Variants in ERICH6B observed in about 807,000 individuals in gnomAD.
The protein encoded by ERICH6B is glutamate-rich protein 6B.
ERICH6B carries 69 observed loss-of-function variants against 80.0 expected under a neutral mutation model. That is an observed-to-expected ratio of 0.86 (90% CI 0.71 to 1.05). ERICH6B has a LOEUF of 1.05. Ranked by LOEUF, ERICH6B falls within the 50% of genes least tolerant of loss-of-function variation. The pLI is 0.00. For missense variants in ERICH6B, 754 were observed against 796.1 expected (o/e 0.95, Z 0.64); for synonymous variants, 283 against 291.9 (o/e 0.97, Z 0.31).
chr13:45,561,500 A>C lies in ERICH6B; in HGVS notation c.1276T>G (p.Phe426Val). ...GGTTTGCTCATTAAATGAAATGTGAAACTGGTCATCTCTGTTAACTTTTGA... is the reference window on the plus strand; with the variant it reads ...GGTTTGCTCATTAAATGAAATGTGACACTGGTCATCTCTGTTAACTTTTGA... The part of the protein sequence containing the change: ...EAQKLTEMTS[F>V]TFHLMSKPTP... Residue 426 changes from phenylalanine to valine, a missense_variant, in exon 11 of 15, where the codon TTC (phenylalanine) becomes GTC (valine). Phe to Val is a conservative substitution (Grantham distance 50). Transcript: ENST00000298738. 5 of 1,551,850 alleles carry C rather than the reference A, an allele frequency of 3.2e-6. No homozygotes were observed. The highest frequency in any genetic ancestry group is 4.4e-6 in the Non-Finnish European group (5 of 1,147,030).
intron 11 of ERICH6B, among the ~76,000 whole-genome samples, chr13:45,557,180 C>T (rs886513392): frequency 6.6e-6 from 1 of 152,268 alleles, no homozygotes; most frequent in East Asian, 1.9e-4. Context: ...TTGCATTTCC[C>T]TGATCACTAG....
At chr13:45,584,559 C>T (rs74858406) in intron 5 of ERICH6B, among the ~76,000 whole-genome samples, 4,583 of 152,178 alleles carry the variant, frequency 0.03, 215 homozygotes, top group African/African-American at 0.1. Context: ...TGTTCGTGTC[C>T]CCAAGCATCC....
intron 9 of ERICH6B, among the ~76,000 whole-genome samples, chr13:45,564,630 A>G (rs1874837332): frequency 6.6e-6 from 1 of 152,238 alleles, no homozygotes; most frequent in African/African-American, 2.4e-5. Context: ...TTCGTACCCT[A>G]GAAGCAATAG....
chr13:45,606,178 A>G (rs542722130), intron 2 of ERICH6B, among the ~76,000 whole-genome samples: 2 of 152,220 alleles, frequency 1.3e-5, no homozygotes, highest in Non-Finnish European at 2.9e-5. Flanking sequence ...CACTGAGATG[A>G]AAAGACATCC....
chr13:45,569,166 C>T (rs1283546418), intron 8 of ERICH6B, among the ~76,000 whole-genome samples: 1 of 152,082 alleles, frequency 6.6e-6, no homozygotes, highest in African/African-American at 2.4e-5. Context: ...CACTCTGTTG[C>T]CCAGGCTGGA....
chr13:45,574,820 C>G, intron 8 of ERICH6B, 22 bp downstream of exon 8: 1 of 1,510,110 alleles, frequency 6.6e-7, no homozygotes, highest in Non-Finnish European at 9.0e-7. Flanking sequence ...GGGGGGGGGT[C>G]TCAAGTTTTT....
intron 7 of ERICH6B, 32 bp downstream of exon 7, chr13:45,579,901 G>A: frequency 8.4e-6 from 13 of 1,550,884 alleles, no homozygotes; most frequent in Non-Finnish European, 8.7e-6. Context: ...AAGAAAGCAG[G>A]GATCTTTGGA....
At chr13:45,543,940 A>C (rs1366823335) in intron 14 of ERICH6B, among the ~76,000 whole-genome samples, 1 of 152,124 alleles carries the variant, frequency 6.6e-6, no homozygotes, top group Non-Finnish European at 1.5e-5. Flanking sequence ...CAAGTGAGAT[A>C]ATGCAGGGTG....
At chr13:45,614,883 C>A (rs1430343235) in intron 1 of ERICH6B, among the ~76,000 whole-genome samples, 2 of 152,234 alleles carry the variant, frequency 1.3e-5, no homozygotes, top group Non-Finnish European at 2.9e-5. Context: ...TGGTGCCAGG[C>A]CTGGGCTGAT....
At chr13:45,599,035 T>C (rs1376359594) in intron 2 of ERICH6B, among the ~76,000 whole-genome samples, 1 of 152,228 alleles carries the variant, frequency 6.6e-6, no homozygotes. Flanking sequence ...TCTCCCTTTT[T>C]CCTCCAGGGG....
At chr13:45,599,913 C>T (rs964618264) in intron 2 of ERICH6B, among the ~76,000 whole-genome samples, 3 of 152,216 alleles carry the variant, frequency 2.0e-5, no homozygotes, top group African/African-American at 4.8e-5. Flanking sequence ...GAAGCTGTGC[C>T]TGCAGTTGGC....
chr13:45,542,690 C>A (rs1419564900), intron 14 of ERICH6B, among the ~76,000 whole-genome samples: 2 of 152,350 alleles, frequency 1.3e-5, no homozygotes, highest in East Asian at 1.9e-4. Flanking sequence ...GCTGGTCCCG[C>A]CACTCGGGCT....
rs553258382 is a variant in ERICH6B at position 45,544,343 on chromosome 13, G to T, written c.1872+417C>A. 3.6e-4 allele frequency among the ~76,000 whole-genome samples: 55 copies of T among 152,226 alleles called. 1 individual carries two copies. Among genetic ancestry groups the T allele is most frequent in the Admixed American group, 3.6e-3 (55 of 15,288 alleles). On this transcript the variant is annotated intron_variant, in intron 14 of 14. Transcript: ENST00000298738. ...ACCTGCTTCGGCCCCTCAAAGTGCTGGGATTACAGGCATAAGCCACCGCAA... is the reference window on the plus strand; with the variant it reads ...ACCTGCTTCGGCCCCTCAAAGTGCTTGGATTACAGGCATAAGCCACCGCAA...
chr13:45,592,325 C>T (rs1233818515), intron 3 of ERICH6B, among the ~76,000 whole-genome samples: 1 of 152,242 alleles, frequency 6.6e-6, no homozygotes, highest in African/African-American at 2.4e-5. Flanking sequence ...TTCCCCCACC[C>T]ACCAGTGGCT....
intron 8 of ERICH6B, among the ~76,000 whole-genome samples, chr13:45,571,474 G>A (rs1875164641): frequency 6.6e-6 from 1 of 152,158 alleles, no homozygotes; most frequent in Non-Finnish European, 1.5e-5. Flanking sequence ...GCTAATGCTG[G>A]AATGTTTTTA....
intron 2 of ERICH6B, among the ~76,000 whole-genome samples, chr13:45,603,282 C>T (rs181641927): frequency 6.6e-6 from 1 of 152,312 alleles, no homozygotes; most frequent in Admixed American, 6.5e-5. Flanking sequence ...TAATCTCTTC[C>T]AGAAACACCC....
chr13:45,557,580 C>A (rs368495372), intron 11 of ERICH6B, among the ~76,000 whole-genome samples: 1 of 152,086 alleles, frequency 6.6e-6, no homozygotes, highest in Non-Finnish European at 1.5e-5. Flanking sequence ...GATTTAAGTC[C>A]TTGATCTATC....
At chr13:45,587,685 C>A (rs1188884955) in intron 4 of ERICH6B, among the ~76,000 whole-genome samples, 1 of 152,156 alleles carries the variant, frequency 6.6e-6, no homozygotes, top group Non-Finnish European at 1.5e-5. Context: ...ACACCACCAC[C>A]ATCAAAAAGG....
intron 2 of ERICH6B, among the ~76,000 whole-genome samples, chr13:45,601,801 TG>T (rs1949829117): frequency 6.6e-6 from 1 of 152,206 alleles, no homozygotes; most frequent in African/African-American, 2.4e-5. Flanking sequence ...TAAATAGTAA[TG>T]GCAACTTGAT....
Sources: allele counts gnomAD v4.1 joint callset (sites outside exome capture counted in the v4.1 genomes callset), GRCh38; gene constraint gnomAD v4.1.1; transcripts MANE v1.5; gene names NCBI Gene and HGNC (gene_info 2026-07-23, HGNC 2026-07-21).